The following RYR1 variants were observed in gnomAD, a reference collection of about 807,000 sequenced individuals.
The protein encoded by RYR1 is central core disease of muscle.
Under a neutral mutation model 583.5 loss-of-function variants are expected in RYR1, and 342 were observed. That is an observed-to-expected ratio of 0.59 (90% CI 0.54 to 0.64). The LOEUF is 0.64. RYR1 is among the 30% of genes least tolerant of loss of function. The pLI is 0.00. For missense variants in RYR1, 6,032 were observed against 6,917.2 expected (o/e 0.87, Z 4.54); for synonymous variants, 2,791 against 2,822.5 (o/e 0.99, Z 0.35).
At position 38,444,095 on chromosome 19, in the gene RYR1, G is replaced by A; in HGVS notation, c.425-54G>A. The stretch of plus-strand genomic sequence containing the variant: ...GGTGGAGGGAGAGCCCTGGGGAAGA[G>A]CATTCTGGGAAGCCATCATCTGACA... On this transcript the variant is annotated intron_variant, in intron 5 of 105. Coordinates refer to ENST00000359596, the MANE Select transcript of RYR1 (RefSeq NM_000540.3). The surrounding 1 kb of genome is among the most constrained non-coding windows in gnomAD (Gnocchi z 5.1). The A allele has an allele frequency of 6.8e-7, 1 of 1,469,346 alleles. No homozygotes were observed. Among genetic ancestry groups the A allele is most frequent in the Middle Eastern group, 1.7e-4 (1 of 5,810 alleles). The allele number at this position is 1,469,346 out of a possible 1,614,324, so 91.0% of individuals were successfully genotyped here.
Position 38,564,983 on chromosome 19 carries a change from A to G in RYR1, c.12649A>G (p.Ile4217Val). 6.3e-7 allele frequency: 1 copy of G among 1,590,788 alleles called. No individual in the cohort carries two copies. Among genetic ancestry groups the G allele is most frequent in the Non-Finnish European group, 8.6e-7 (1 of 1,169,422 alleles). ...GGTGAAGGAGTCCAAGCGCCAGTTC[A>G]TCTTCGACGTGGTGAACGAGGGCGG... is the stretch of plus-strand genomic sequence containing the variant. Reference protein sequence around the residue: ...PQVKESKRQFIFDVVNEGGEA... With the variant: ...PQVKESKRQFVFDVVNEGGEA... Residue 4217 changes from isoleucine to valine, a missense_variant, in exon 91 of 106, where the codon ATC becomes GTC. Ile to Val is a conservative substitution (Grantham distance 29). Transcript: ENST00000359596.
chr19:38,457,736 A>G lies in RYR1; in HGVS notation c.1925+106A>G, dbSNP rs188842347. On this transcript the variant is annotated intron_variant, in intron 17 of 105. Coordinates refer to ENST00000359596, the MANE Select transcript of RYR1 (RefSeq NM_000540.3). ...TGTCCTTTCCTTAATCTCCCACCCCAGGGTTAACAACCAGTCCTCACAGAT... is the reference window on the plus strand; with the variant it reads ...TGTCCTTTCCTTAATCTCCCACCCCGGGGTTAACAACCAGTCCTCACAGAT... The G allele has an allele frequency of 5.1e-4, 616 of 1,204,702 alleles. 8 individuals are homozygous for G. The East Asian group carries it at 0.013, about 26-fold the overall frequency. The allele number at this position is 1,204,702 out of a possible 1,614,324, so 74.6% of individuals were successfully genotyped here.
At position 38,561,412 on chromosome 19, in the gene RYR1, C is replaced by T. The variant is rs753263342; in HGVS notation, c.12582C>T (p.Phe4194=). ...CACGCCGCATCGAGCGCATCTACTT[C>T]GAGATCTCAGAGACCAACCGCGCCC... ...GASRRIERIY[F]EISETNRAQW... is the part of the protein sequence containing the mutation. Residue 4194 remains phenylalanine, a synonymous_variant, in exon 90 of 106, where the codon TTC becomes TTT. Coordinates refer to ENST00000359596, the MANE Select transcript of RYR1 (RefSeq NM_000540.3). This position sits in a 1 kb window ranked among gnomAD's most constrained non-coding sequence, Gnocchi z 4.8. 6 of 1,612,464 alleles carry T rather than the reference C, an allele frequency of 3.7e-6. No homozygotes were observed. Among genetic ancestry groups the T allele is most frequent in the Middle Eastern group, 1.7e-4 (1 of 6,058 alleles).
At chr19:38,564,386 A>G (rs1973289063) in intron 90 of RYR1, among the ~76,000 whole-genome samples, 1 of 152,260 alleles carries the variant, frequency 6.6e-6, no homozygotes, top group East Asian at 1.9e-4. Flanking sequence ...TCAGCCCAGC[A>G]TGGTGGCAGG....
chr19:38,517,717 GA>G (rs770600936), intron 66 of RYR1, 26 bp downstream of exon 66: 1 of 1,606,804 alleles, frequency 6.2e-7, no homozygotes, highest in Non-Finnish European at 8.5e-7. Context: ...CTGGGCCTCT[GA>G]GGGGTGGGTC....
chr19:38,463,371 TGGA>T (rs1967890483), intron 20 of RYR1, 49 bp from the exon 21 acceptor site: 1 of 1,497,926 alleles, frequency 6.7e-7, no homozygotes, highest in East Asian at 2.3e-5. Context: ...GGGGTCATGA[TGGA>T]GGAGGGTAGA....
In RYR1 at chr19:38,516,627, A is replaced by C. The variant is rs546833341; in HGVS notation, c.9685+410A>C. ...AATTTGGAGCTATGGAATTTATTTTAGTGATGGTGACATTTGAGGGCATCA... is the reference window on the plus strand; with the variant it reads ...AATTTGGAGCTATGGAATTTATTTTCGTGATGGTGACATTTGAGGGCATCA... On this transcript the variant is annotated intron_variant, in intron 65 of 105. Transcript: ENST00000359596. Among the ~76,000 whole-genome samples the C allele has an allele frequency of 5.9e-5, 9 of 152,222 alleles. No individual in the cohort carries two copies. The South Asian group carries it at 1.0e-3, about 18-fold the overall frequency.
At chr19:38,537,993 C>G (rs369198236) in intron 84 of RYR1, 33 bp downstream of exon 84, 22 of 1,598,892 alleles carry the variant, frequency 1.4e-5, no homozygotes, top group Non-Finnish European at 1.9e-5. Context: ...GGAGGGGAAG[C>G]CGAGGTTTGG....
chr19:38,511,894 C>T lies in RYR1; in HGVS notation c.9173-178C>T, dbSNP rs1461443626. ...GAGGAAGGCCAGGAGAGTGGTTGGG[C>T]TGGGGAGGAGGGACATTTGGAGGCG... On this transcript the variant is annotated intron_variant, in intron 61 of 105. Coordinates refer to ENST00000359596, the MANE Select transcript of RYR1 (RefSeq NM_000540.3). 3.3e-5 allele frequency among the ~76,000 whole-genome samples: 5 copies of T among 151,038 alleles called. No individual in the cohort carries two copies. In the East Asian group the frequency reaches 9.7e-4, roughly 29 times the overall value.
chr19:38,569,731 C>G (rs1973627788), intron 93 of RYR1, among the ~76,000 whole-genome samples: 1 of 152,190 alleles, frequency 6.6e-6, no homozygotes, highest in Non-Finnish European at 1.5e-5. Context: ...CAAGACACCA[C>G]TTCCCTGAGC....
chr19:38,460,268 C>T (rs951392510), intron 19 of RYR1, 107 bp from the exon 20 acceptor site: 1 of 1,039,468 alleles, frequency 9.6e-7, no homozygotes, highest in Non-Finnish European at 1.5e-6. Context: ...CCTTTGGTCT[C>T]CCCAGAACTT....
chr19:38,486,187 C>A lies in RYR1; in HGVS notation c.5532C>A (p.Leu1844=), dbSNP rs754562295. 6.2e-7 allele frequency: 1 copy of A among 1,612,782 alleles called. No homozygotes were observed. Among genetic ancestry groups the A allele is most frequent in the Non-Finnish European group, 8.5e-7 (1 of 1,179,954 alleles). The change falls in exon 34 of 106, where the codon CTC becomes CTA. Residue 1844 remains leucine (L), a synonymous_variant. Coordinates refer to ENST00000359596, the MANE Select transcript of RYR1 (RefSeq NM_000540.3). ...TCCAGTTTGTGCCTGTGCTCAAGCT[C>A]GTGTCCACCCTGCTGGTAATGGCTT... The part of the protein sequence containing the change: ...VEFQFVPVLK[L]VSTLLVMGIF...
At chr19:38,434,910 G>A (rs576649137) in intron 1 of RYR1, among the ~76,000 whole-genome samples, 2 of 152,304 alleles carry the variant, frequency 1.3e-5, no homozygotes, top group East Asian at 1.9e-4. Flanking sequence ...CTGGCGAGCC[G>A]GGTCCGGTTT....
intron 94 of RYR1, among the ~76,000 whole-genome samples, chr19:38,571,651 A>G (rs1568592993): frequency 1.3e-5 from 2 of 152,168 alleles, no homozygotes; most frequent in African/African-American, 4.8e-5. Flanking sequence ...CACCAAAAAA[A>G]AGAGGATGAG....
rs751212388 is a variant in RYR1 at position 38,469,130 on chromosome 19, G to A, written c.3546G>A (p.Glu1182=). 1 of 1,614,186 alleles carries A rather than the reference G, an allele frequency of 6.2e-7. No homozygotes were observed. The highest frequency in any genetic ancestry group is 2.2e-5 in the East Asian group (1 of 44,878). Residue 1182 remains glutamate, a synonymous_variant, in exon 26 of 106, where the codon GAG becomes GAA. Coordinates refer to ENST00000359596, the MANE Select transcript of RYR1 (RefSeq NM_000540.3). ...CCGAAACAGCCTTCCGGGAGATTGA[G>A]ATTGGGGACGGTGAGGGCTGAGACC... ...SGSETAFREI[E]IGDGFLPVCS...
At position 38,455,315 on chromosome 19, in the gene RYR1, G is replaced by A; in HGVS notation, c.1521G>A (p.Gly507=). 1.2e-6 allele frequency: 2 copies of A among 1,614,116 alleles called. No homozygotes were observed. Among genetic ancestry groups the A allele is most frequent in the Non-Finnish European group, 1.7e-6 (2 of 1,180,020 alleles). Residue 507 remains glycine, a synonymous_variant, in exon 14 of 106, where the codon GGG becomes GGA. Transcript: ENST00000359596. ...TTAAHFAEFA[G]EEAAESWKEI... is the part of the protein sequence containing the mutation. ...CTGCCCACTTTGCTGAGTTTGCAGG[G>A]GAGGAGGCAGCCGAGTCCTGGAAAG...
rs780472878 is a variant in RYR1 at position 38,490,654 on chromosome 19, G to A, written c.6049G>A (p.Asp2017Asn). ...NMLLQFKDGT[D>N]EEDCPLPEEI... is the part of the protein sequence containing the mutation. Reference sequence around the variant, plus strand: ...GCTATTGCAATTCAAAGATGGTACAGATGAGGAAGACTGTCCTCTCCCTGA... The same window carrying A: ...GCTATTGCAATTCAAAGATGGTACAAATGAGGAAGACTGTCCTCTCCCTGA... Residue 2017 changes from aspartate (D) to asparagine (N), a missense_variant, in exon 37 of 106, where the codon GAT (aspartate) becomes AAT (asparagine). Asp to Asn is a conservative substitution (Grantham distance 23). Transcript: ENST00000359596. 6.2e-7 allele frequency: 1 copy of A among 1,613,364 alleles called. No individual in the cohort carries two copies. Among genetic ancestry groups the A allele is most frequent in the East Asian group, 2.2e-5 (1 of 44,890 alleles).
At chr19:38,571,503 G>A (rs1462931583) in intron 94 of RYR1, among the ~76,000 whole-genome samples, 2 of 152,124 alleles carry the variant, frequency 1.3e-5, no homozygotes, top group Non-Finnish European at 2.9e-5. Context: ...CAGGCCTGGT[G>A]GCGGGCACCT....
Position 38,564,973 on chromosome 19 carries a change from G to A in RYR1, c.12639G>A (p.Lys4213=), listed in dbSNP as rs778680515. ...QWEMPQVKES[K]RQFIFDVVNE... ...CCTCGCTTCAGGTGAAGGAGTCCAA[G>A]CGCCAGTTCATCTTCGACGTGGTGA... Residue 4213 remains lysine (K), a synonymous_variant, in exon 91 of 106, where the codon AAG becomes AAA. Transcript: ENST00000359596. The A allele has an allele frequency of 1.5e-5, 24 of 1,587,432 alleles. No homozygotes were observed. Among genetic ancestry groups the A allele is most frequent in the Non-Finnish European group, 2.0e-5 (23 of 1,167,764 alleles).
Sources: gnomAD v4.1 joint callset for allele counts (sites outside exome capture counted in the v4.1 genomes callset) on GRCh38, gnomAD v4.1.1 for gene constraint, Gnocchi (gnomAD v3.1) non-coding constraint, MANE v1.5 for transcripts, NCBI Gene and HGNC (gene_info 2026-07-23, HGNC 2026-07-21) for gene names.